Variants in FGFR3 observed in about 807,000 individuals in gnomAD.
The protein encoded by FGFR3 is FGFR-3.
A neutral mutation model predicts 82.9 loss-of-function variants in FGFR3; 25 were observed. The observed-to-expected ratio is 0.30, with a 90% CI of 0.22 to 0.42. The LOEUF (loss-of-function observed/expected upper bound fraction) is 0.42. Among genes scored for constraint, FGFR3 ranks in the 10% least tolerant of loss-of-function variants. FGFR3 has a pLI of 1.00. For synonymous variants in FGFR3, 620 were observed against 516.0 expected (o/e 1.20, Z -2.73); for missense variants, 1,026 against 1,161.0 (o/e 0.88, Z 1.69).
rs2108804950 is a variant in FGFR3, at chr4:1,805,873, C to G, written c.1769C>G (p.Thr590Ser). 1 of 1,612,774 alleles carries G rather than the reference C, an allele frequency of 6.2e-7. No individual in the cohort carries two copies. Among genetic ancestry groups the G allele is most frequent in the South Asian group, 1.1e-5 (1 of 91,044 alleles). ...DTCKPPEEQL[T>S]FKDLVSCAYQ... ...TGCAAGCCGCCCGAGGAGCAGCTCA[C>G]CTTCAAGGACCTGGTGTCCTGTGCC... The change falls in exon 13 of 18, where the codon ACC (threonine) becomes AGC (serine). Residue 590 changes from threonine (T) to serine (S), a missense_variant. Around this residue, in one of 9 missense-constraint regions of FGFR3, gnomAD observed 164 missense variants for 167.5 expected, o/e 0.98. Coordinates refer to ENST00000440486, the MANE Select transcript of FGFR3 (RefSeq NM_000142.5).
At chr4:1,804,604 CTG>C (rs1469190829) in intron 9 of FGFR3, 84 bp downstream of exon 9, 3 of 1,560,794 alleles carry the variant, frequency 1.9e-6, no homozygotes, top group East Asian at 4.5e-5. Context: ...TGGTCCTGGG[CTG>C]TGTGAGCCCT....
chr4:1,807,253 G>A lies in FGFR3; in HGVS notation c.2412G>A (p.Ser804=), dbSNP rs375563964. The change falls in exon 18 of 18, where the codon TCG becomes TCA. Residue 804 remains serine (S), a synonymous_variant. Coordinates refer to ENST00000440486, the MANE Select transcript of FGFR3 (RefSeq NM_000142.5). ...LPPAPPSSGG[S]RT ...CGGCCCCACCCAGCAGTGGGGGCTC[G>A]CGGACGTGAAGGGCCACTGGTCCCC... 79 of 1,601,686 alleles carry A rather than the reference G, an allele frequency of 4.9e-5. No homozygotes were observed. Among genetic ancestry groups the A allele is most frequent in the Admixed American group, 1.2e-4 (7 of 59,036 alleles).
rs565612580 is a variant in FGFR3 at position 1,801,743 on chromosome 4, G to A, written c.739G>A (p.Glu247Lys). 8.1e-6 allele frequency: 13 copies of A among 1,603,586 alleles called. No individual in the cohort carries two copies. The highest frequency in any genetic ancestry group is 2.2e-5 in the East Asian group (1 of 44,452). The change falls in exon 6 of 18, where the codon GAG becomes AAG. Residue 247 changes from glutamate (E) to lysine (K), a missense_variant and splice_region_variant. Coordinates refer to ENST00000440486, the MANE Select transcript of FGFR3 (RefSeq NM_000142.5). ...IRQTYTLDVL[E>K]RSPHRPILQA... Reference sequence around the variant, plus strand: ...GCAGACGTACACGCTGGACGTGCTGGGTGAGGGCCCTGGGGCGGCGCGGGG... The same window carrying A: ...GCAGACGTACACGCTGGACGTGCTGAGTGAGGGCCCTGGGGCGGCGCGGGG...
chr4:1,794,865 C>T (rs1720288754), intron 2 of FGFR3, among the ~76,000 whole-genome samples: 1 of 151,274 alleles, frequency 6.6e-6, no homozygotes, highest in Non-Finnish European at 1.5e-5. Context: ...GGCGGCCGCG[C>T]GGAGGGAGGC....
chr4:1,806,901 C>T lies in FGFR3; in HGVS notation c.2241C>T (p.Asp747=), dbSNP rs142137666. ...CCACCTTCAAGCAGCTGGTGGAGGA[C>T]CTGGACCGTGTCCTTACCGTGACGT... is the stretch of plus-strand genomic sequence containing the variant. ...QRPTFKQLVE[D]LDRVLTVTST... Residue 747 remains aspartate (D), a synonymous_variant, in exon 17 of 18, where the codon GAC becomes GAT. Transcript: ENST00000440486. 8 of 1,611,172 alleles carry T rather than the reference C, an allele frequency of 5.0e-6. No homozygotes were observed. The African/African-American group carries it at 8.0e-5, about 16-fold the overall frequency.
rs773089715 is a variant in FGFR3, at chr4:1,806,303, G to T, written c.2006G>T (p.Arg669Leu). 6 of 1,517,534 alleles carry T rather than the reference G, an allele frequency of 4.0e-6. No homozygotes were observed. The highest frequency in any genetic ancestry group is 1.8e-6 in the Non-Finnish European group (2 of 1,127,126). 94.0% of individuals were successfully genotyped at this position (1,517,534 alleles called of 1,614,324 possible). ...KWMAPEALFD[R>L]VYTHQSDVWS... ...ATGGCGCCTGAGGCCTTGTTTGACC[G>T]AGTCTACACTCACCAGAGTGACGTG... The change falls in exon 15 of 18, where the codon CGA becomes CTA. Residue 669 changes from arginine to leucine, a missense_variant. By Grantham distance (102) the Arg-to-Leu change is moderately radical. Coordinates refer to ENST00000440486, the MANE Select transcript of FGFR3 (RefSeq NM_000142.5).
rs2108796300 is a variant in FGFR3, at chr4:1,804,320, G to A, written c.1076-10G>A. 6.3e-7 allele frequency: 1 copy of A among 1,596,596 alleles called. No individual in the cohort carries two copies. The highest frequency in any genetic ancestry group is 1.3e-5 in the African/African-American group (1 of 74,796). On this transcript the variant is annotated splice_polypyrimidine_tract_variant and intron_variant, in intron 8 of 17. Transcript: ENST00000440486. Reference sequence around the variant, plus strand: ...GGCCAGGCCAGGCCTCAACGCCCATGTCTTTGCAGCCGAGGAGGAGCTGGT... The same window carrying A: ...GGCCAGGCCAGGCCTCAACGCCCATATCTTTGCAGCCGAGGAGGAGCTGGT...
chr4:1,802,163 G>A lies in FGFR3; in HGVS notation c.930+138G>A, dbSNP rs981064956. ...GGGCAGAAGCTGTGGGGGTGCTTGT[G>A]GGGCCAAGTCTCAGCCACCCCACAC... On this transcript the variant is annotated intron_variant, in intron 7 of 17. Transcript: ENST00000440486. 5.3e-6 allele frequency: 5 copies of A among 947,812 alleles called. No homozygotes were observed. In the African/African-American group the frequency reaches 8.1e-5, roughly 15 times the overall value. 58.7% of individuals were successfully genotyped at this position (947,812 alleles called of 1,614,324 possible). A position where few individuals can be genotyped will look rare whatever the true frequency, so the allele number is the denominator to read the frequency against.
intron 8 of FGFR3, 25 bp from the exon 9 acceptor site, chr4:1,804,305 G>A: frequency 6.3e-7 from 1 of 1,575,818 alleles, no homozygotes. Flanking sequence ...GGCCAGGCCA[G>A]GCCTCAACGC....
rs150623219 is a variant in FGFR3, at chr4:1,807,366, C to A, written c.*104C>A. On this transcript the variant is annotated 3_prime_UTR_variant, in exon 18 of 18. Coordinates refer to ENST00000440486, the MANE Select transcript of FGFR3 (RefSeq NM_000142.5). Reference sequence around the variant, plus strand: ...AGACTCAGTGCAGATGGAGAGACAGCTACACAGAGCTTTGGTCTGTGTGTG... The same window carrying A: ...AGACTCAGTGCAGATGGAGAGACAGATACACAGAGCTTTGGTCTGTGTGTG... The A allele has an allele frequency of 1.4e-6, 2 of 1,454,454 alleles. No individual in the cohort carries two copies. The highest frequency in any genetic ancestry group is 1.9e-6 in the Non-Finnish European group (2 of 1,073,280). The allele number at this position is 1,454,454 out of a possible 1,614,324, so 90.1% of individuals were successfully genotyped here.
At position 1,801,763 on chromosome 4, in the gene FGFR3, G is replaced by A. The variant is rs770024245; in HGVS notation, c.739+20G>A. The stretch of plus-strand genomic sequence containing the variant: ...TGCTGGGTGAGGGCCCTGGGGCGGC[G>A]CGGGGGTGGGGGCGGCAGTGGCGGT... On this transcript the variant is annotated intron_variant, in intron 6 of 17. Transcript: ENST00000440486. The A allele has an allele frequency of 5.7e-6, 9 of 1,592,500 alleles. No homozygotes were observed. The highest frequency in any genetic ancestry group is 1.3e-5 in the African/African-American group (1 of 74,666).
At chr4:1,794,565 C>G (rs1235616245) in intron 2 of FGFR3, among the ~76,000 whole-genome samples, 2 of 152,216 alleles carry the variant, frequency 1.3e-5, no homozygotes, top group Admixed American at 6.5e-5. Flanking sequence ...GACCCTGCCC[C>G]TGCCTGGGGG....
At chr4:1,799,699 C>T (rs758289845) in intron 3 of FGFR3, 48 bp from the exon 4 acceptor site, 4 of 1,607,590 alleles carry the variant, frequency 2.5e-6, no homozygotes, top group Non-Finnish European at 3.4e-6. Flanking sequence ...CACCTGGGGG[C>T]CTCCTGGGGC....
At position 1,807,856 on chromosome 4, in the gene FGFR3, C is replaced by T. The variant is rs1167126825; in HGVS notation, c.*594C>T. 2 of 429,234 alleles carry T rather than the reference C, an allele frequency of 4.7e-6. No homozygotes were observed. The highest frequency in any genetic ancestry group is 4.1e-5 in the East Asian group (1 of 24,666). The allele number at this position is 429,234 out of a possible 1,614,324, so 26.6% of individuals were successfully genotyped here. A position where few individuals can be genotyped will look rare whatever the true frequency, so the allele number is the denominator to read the frequency against. On this transcript the variant is annotated 3_prime_UTR_variant, in exon 18 of 18. Coordinates refer to ENST00000440486, the MANE Select transcript of FGFR3 (RefSeq NM_000142.5). ...TTATGCAAAAGGTTTATTCCGGAAA[C>T]TAGTGTACATTTCTATAAATAGATG...
At position 1,807,169 on chromosome 4, in the gene FGFR3, CA is replaced by C. The variant is rs1312810313; in HGVS notation, c.2329del (p.Thr777ProfsTer43). The C allele has an allele frequency of 6.2e-7, 1 of 1,602,512 alleles. No homozygotes were observed. Among genetic ancestry groups the C allele is most frequent in the East Asian group, 2.3e-5 (1 of 44,274 alleles). On this transcript the variant is annotated frameshift_variant, in exon 18 of 18. Transcript: ENST00000440486. LOFTEE classifies it low-confidence loss of function (END_TRUNC). ...FEQYSPGGQD[T>X]PSSSSSGDDS... is the part of the protein sequence containing the mutation. ...AGCAGTACTCCCCGGGTGGCCAGGACACCCCCAGCTCCAGCTCCTCAGGGGA... is the reference window on the plus strand; with the variant it reads ...AGCAGTACTCCCCGGGTGGCCAGGACCCCCCAGCTCCAGCTCCTCAGGGGA...
intron 4 of FGFR3, among the ~76,000 whole-genome samples, chr4:1,800,218 A>G (rs974313978): frequency 5.4e-5 from 8 of 149,074 alleles, no homozygotes; most frequent in Admixed American, 5.3e-4. Context: ...GCGCCGGGGC[A>G]CCTGCCACAA....
rs1446441482 is a variant in FGFR3 at position 1,807,415 on chromosome 4, G to A, written c.*153G>A. 20 of 1,162,594 alleles carry A rather than the reference G, an allele frequency of 1.7e-5. No homozygotes were observed. Among genetic ancestry groups the A allele is most frequent in the Non-Finnish European group, 2.4e-5 (19 of 807,314 alleles). 72.0% of individuals were successfully genotyped at this position (1,162,594 alleles called of 1,614,324 possible). On this transcript the variant is annotated 3_prime_UTR_variant, in exon 18 of 18. Coordinates refer to ENST00000440486, the MANE Select transcript of FGFR3 (RefSeq NM_000142.5). ...TGTGTGTGTGCGTGTGTGTGTGTGTGTGTGCACATCCGCGTGTGCCTGTGT... is the reference window on the plus strand; with the variant it reads ...TGTGTGTGTGCGTGTGTGTGTGTGTATGTGCACATCCGCGTGTGCCTGTGT...
At chr4:1,798,358 C>G (rs993659507) in intron 2 of FGFR3, among the ~76,000 whole-genome samples, 2 of 152,246 alleles carry the variant, frequency 1.3e-5, no homozygotes, top group East Asian at 3.9e-4. Context: ...CTCCACCCCC[C>G]GGCCCCCTTG....
At chr4:1,797,119 A>C (rs1560396730) in intron 2 of FGFR3, among the ~76,000 whole-genome samples, 1 of 152,146 alleles carries the variant, frequency 6.6e-6, no homozygotes, top group African/African-American at 2.4e-5. Flanking sequence ...TTTGGGCACC[A>C]GTGTCTGTGT....
Sources: gnomAD v4.1 joint callset for allele counts (sites outside exome capture counted in the v4.1 genomes callset) on GRCh38, gnomAD v4.1.1 for gene constraint, gnomAD v4.1.1 regional missense constraint, MANE v1.5 for transcripts, NCBI Gene and HGNC (gene_info 2026-07-23, HGNC 2026-07-21) for gene names.